The following GABPA variants were observed in gnomAD, a reference collection of about 807,000 sequenced individuals.
GABPA encodes the protein GA-binding protein alpha chain.
In GABPA, 4 loss-of-function variants were observed where a neutral mutation model predicts 59.4. The ratio of observed to expected loss-of-function variants is 0.07; its 90% CI spans 0.03 to 0.15. The LOEUF is 0.15. Among genes scored for constraint, GABPA ranks in the 10% least tolerant of loss-of-function variants. The pLI, the probability that GABPA is intolerant of heterozygous loss-of-function variation, is 1.00. For synonymous variants in GABPA, 164 were observed against 183.1 expected (o/e 0.90, Z 0.84); for missense variants, 251 against 543.8 (o/e 0.46, Z 5.36).
chr21:25,738,269 G>A (rs1197492217), intron 1 of GABPA, among the ~76,000 whole-genome samples: 1 of 152,104 alleles, frequency 6.6e-6, no homozygotes, highest in African/African-American at 2.4e-5. Context: ...GTAGTTTCTT[G>A]TTTTAAATTG....
chr21:25,758,633 G>C (rs1232908766), intron 6 of GABPA, among the ~76,000 whole-genome samples: 1 of 152,156 alleles, frequency 6.6e-6, no homozygotes, highest in Non-Finnish European at 1.5e-5. Context: ...TTTACAGGTG[G>C]CTTCCTACCC....
chr21:25,744,966 G>A (rs1021173106), intron 2 of GABPA, among the ~76,000 whole-genome samples: 3 of 152,124 alleles, frequency 2.0e-5, no homozygotes, highest in African/African-American at 7.2e-5. Flanking sequence ...ACATATGTAT[G>A]TACATACATA....
At chr21:25,752,470 G>A (rs1347791950) in intron 5 of GABPA, 1 of 480,388 alleles carries the variant, frequency 2.1e-6, no homozygotes, top group Non-Finnish European at 3.7e-6. Flanking sequence ...GGTGTTGAGA[G>A]TGTAGTTGAA....
At position 25,769,246 on chromosome 21, in the gene GABPA, C is replaced by T. The variant is rs368818775; in HGVS notation, c.*14C>T. ...AAGGATAATTGAGCCCCAGGACATT[C>T]TGAGACTCCAAAGTCTTTCTTAAAA... On this transcript the variant is annotated 3_prime_UTR_variant, in exon 10 of 10. Transcript: ENST00000400075. 256 of 1,525,856 alleles carry T rather than the reference C, an allele frequency of 1.7e-4. No individual in the cohort carries two copies. Among genetic ancestry groups the T allele is most frequent in the Non-Finnish European group, 2.2e-4 (244 of 1,100,406 alleles). 94.5% of individuals were successfully genotyped at this position (1,525,856 alleles called of 1,614,324 possible).
At chr21:25,765,914 T>C (rs2035879679) in intron 9 of GABPA, among the ~76,000 whole-genome samples, 1 of 151,978 alleles carries the variant, frequency 6.6e-6, no homozygotes, top group Non-Finnish European at 1.5e-5. Flanking sequence ...AACTAAGTTT[T>C]TCATAGAACT....
chr21:25,763,325 T>C (rs1235663485), intron 7 of GABPA: 1 of 288,956 alleles, frequency 3.5e-6, no homozygotes, highest in Non-Finnish European at 6.9e-6. Flanking sequence ...GCCATAAGCT[T>C]TTAGCTATGT....
Position 25,735,221 on chromosome 21 carries a change from G to C in GABPA, c.-384G>C. 3.4e-6 allele frequency: 2 copies of C among 587,494 alleles called. No individual in the cohort carries two copies. The highest frequency in any genetic ancestry group is 3.1e-6 in the Non-Finnish European group (1 of 326,986). 36.4% of individuals were successfully genotyped at this position (587,494 alleles called of 1,614,324 possible). The stretch of plus-strand genomic sequence containing the variant: ...AGTTCAAGCTCCCCTCCGAGTCAGC[G>C]TCCTGTTCGTTAGGGTTATCGAAGT... On this transcript the variant is annotated 5_prime_UTR_variant, in exon 1 of 10. Transcript: ENST00000400075.
intron 1 of GABPA, among the ~76,000 whole-genome samples, chr21:25,739,964 G>A (rs1292576717): frequency 1.3e-5 from 2 of 152,306 alleles, no homozygotes; most frequent in African/African-American, 4.8e-5. Context: ...TGTATTGACT[G>A]AGAATAGACT....
chr21:25,735,189 T>C lies in GABPA; in HGVS notation c.-416T>C. The stretch of plus-strand genomic sequence containing the variant: ...TACGCATGCGCTCTTTGAGTGGCCT[T>C]TCCCCTAGTTCAAGCTCCCCTCCGA... On this transcript the variant is annotated 5_prime_UTR_variant, in exon 1 of 10. Transcript: ENST00000400075. 1 of 599,474 alleles carries C rather than the reference T, an allele frequency of 1.7e-6. No individual in the cohort carries two copies. Among genetic ancestry groups the C allele is most frequent in the Non-Finnish European group, 3.0e-6 (1 of 333,702 alleles). 37.1% of individuals were successfully genotyped at this position (599,474 alleles called of 1,614,324 possible).
chr21:25,747,357 A>G (rs971365726), intron 3 of GABPA, among the ~76,000 whole-genome samples: 1 of 152,194 alleles, frequency 6.6e-6, no homozygotes, highest in African/African-American at 2.4e-5. Context: ...GACCTATCCA[A>G]AATGAAAGTA....
chr21:25,759,405 C>T (rs539878437), intron 6 of GABPA, among the ~76,000 whole-genome samples: 2 of 152,236 alleles, frequency 1.3e-5, no homozygotes, highest in Admixed American at 1.3e-4. Flanking sequence ...TTGCAGTTTT[C>T]ATTCAAGGTG....
At chr21:25,751,886 A>G (rs921471754) in intron 4 of GABPA, 103 bp from the exon 5 acceptor site, 8 of 1,156,400 alleles carry the variant, frequency 6.9e-6, no homozygotes, top group Non-Finnish European at 8.7e-6. Flanking sequence ...GCTTTATTCG[A>G]TGTAGTTTTT....
At chr21:25,748,745 A>G (rs934632262) in intron 3 of GABPA, among the ~76,000 whole-genome samples, 1 of 152,236 alleles carries the variant, frequency 6.6e-6, no homozygotes, top group African/African-American at 2.4e-5. Context: ...TTCAGAATGA[A>G]TAATTGCCTT....
At chr21:25,761,538 C>A (rs770885763) in intron 6 of GABPA, among the ~76,000 whole-genome samples, 1 of 152,078 alleles carries the variant, frequency 6.6e-6, no homozygotes, top group Non-Finnish European at 1.5e-5. Flanking sequence ...TCTTGGGAGC[C>A]CAGGCCTCAG....
At chr21:25,738,421 C>G (rs2035136240) in intron 1 of GABPA, among the ~76,000 whole-genome samples, 1 of 152,170 alleles carries the variant, frequency 6.6e-6, no homozygotes, top group African/African-American at 2.4e-5. Flanking sequence ...AGGCCATTGT[C>G]TATTCCATCG....
Position 25,772,295 on chromosome 21 carries a change from GACA to G in GABPA, c.*3066_*3068del, listed in dbSNP as rs1317249860. On this transcript the variant is annotated 3_prime_UTR_variant, in exon 10 of 10. Coordinates refer to ENST00000400075, the MANE Select transcript of GABPA (RefSeq NM_002040.4). ...CATACATTTTTACTCTTTAAATAAC[GACA>G]ACGACACTTATACTGTCATAATAAC... The G allele has an allele frequency of 6.6e-6, 1 of 151,950 alleles. No individual in the cohort carries two copies. The highest frequency in any genetic ancestry group is 1.5e-5 in the Non-Finnish European group (1 of 67,912). 9.4% of individuals were successfully genotyped at this position (151,950 alleles called of 1,614,324 possible).
chr21:25,767,670 T>G (rs2035924911), intron 9 of GABPA, among the ~76,000 whole-genome samples: 1 of 152,234 alleles, frequency 6.6e-6, no homozygotes, highest in Non-Finnish European at 1.5e-5. Context: ...TAGAAATTTT[T>G]TAAAGCAATT....
chr21:25,761,671 G>C (rs2035769470), intron 6 of GABPA, among the ~76,000 whole-genome samples: 1 of 152,154 alleles, frequency 6.6e-6, no homozygotes, highest in East Asian at 1.9e-4. Flanking sequence ...GAGAGGTAAA[G>C]AATAACATCT....
intron 6 of GABPA, among the ~76,000 whole-genome samples, chr21:25,760,586 C>T (rs2035742197): frequency 2.0e-5 from 3 of 152,044 alleles, no homozygotes; most frequent in Admixed American, 2.0e-4. Context: ...CCCAGTACTA[C>T]CAGTTCCATG....
Sources: gnomAD v4.1 joint callset for allele counts (sites outside exome capture counted in the v4.1 genomes callset) on GRCh38, gnomAD v4.1.1 for gene constraint, MANE v1.5 for transcripts, NCBI Gene and HGNC (gene_info 2026-07-23, HGNC 2026-07-21) for gene names.